Variants in KDM3B observed in about 807,000 individuals in gnomAD.
The protein encoded by KDM3B is lysine-specific demethylase 3B.
KDM3B carries 10 observed loss-of-function variants against 170.0 expected under a neutral mutation model. That is an observed-to-expected ratio of 0.06 (90% confidence interval 0.04 to 0.10). The LOEUF (loss-of-function observed/expected upper bound fraction) is 0.10, where lower values mean the gene tolerates loss of function less well. Ranked by LOEUF, KDM3B falls within the 10% of genes least tolerant of loss-of-function variation. KDM3B has a pLI of 1.00. For synonymous variants in KDM3B, 831 were observed against 834.8 expected (o/e 1.00, Z 0.08); for missense variants, 1,394 against 2,195.2 (o/e 0.64, Z 7.29).
Position 138,391,894 on chromosome 5 carries a change from T to G in KDM3B, c.2262T>G (p.Pro754=), listed in dbSNP as rs1418569327. The G allele has an allele frequency of 6.2e-7, 1 of 1,613,294 alleles. No homozygotes were observed. ...CAGAGGAGAGGCCAACTGTGGGGCC[T>G]GGGCAGCAGGACAATCCCCTCCTCA... ...SPTEERPTVG[P]GQQDNPLLKT... Residue 754 remains proline, a synonymous_variant, in exon 8 of 24, where the codon CCT becomes CCG. Coordinates refer to ENST00000314358, the MANE Select transcript of KDM3B (RefSeq NM_016604.4). This position sits in a 1 kb window ranked among gnomAD's most constrained non-coding sequence, Gnocchi z 5.0.
At position 138,400,392 on chromosome 5, in the gene KDM3B, G is replaced by GT. The variant is rs549144764; in HGVS notation, c.3199+389dup. On this transcript the variant is annotated intron_variant, in intron 11 of 23. Coordinates refer to ENST00000314358, the MANE Select transcript of KDM3B (RefSeq NM_016604.4). ...CATAGGCATGAGCCACCGTACCTGT[G>GT]TTTTTTTTTAAATAACATCTTTATT... is the stretch of plus-strand genomic sequence containing the variant. 8.8e-3 allele frequency among the ~76,000 whole-genome samples: 1,327 copies of GT among 150,810 alleles called. 18 individuals are homozygous for GT. Among genetic ancestry groups the GT allele is most frequent in the African/African-American group, 0.029 (1,201 of 41,102 alleles).
At chr5:138,410,983 T>G (rs1762952977) in intron 11 of KDM3B, among the ~76,000 whole-genome samples, 1 of 152,184 alleles carries the variant, frequency 6.6e-6, no homozygotes, top group Non-Finnish European at 1.5e-5. Context: ...GGGAGACGGT[T>G]AGGCCTCCGG....
intron 23 of KDM3B, among the ~76,000 whole-genome samples, chr5:138,434,559 A>T (rs562706857): frequency 1.3e-5 from 2 of 152,196 alleles, no homozygotes; most frequent in Non-Finnish European, 2.9e-5. Context: ...AAAAAAAAAA[A>T]AAAAGACCTT....
intron 1 of KDM3B, among the ~76,000 whole-genome samples, chr5:138,356,947 T>G (rs555950944): frequency 1.8e-4 from 28 of 151,636 alleles, no homozygotes; most frequent in African/African-American, 4.8e-4. Flanking sequence ...CCTGGCCTCT[T>G]GACTTTTTTT....
intron 19 of KDM3B, 45 bp downstream of exon 19, chr5:138,427,364 C>A: frequency 6.3e-7 from 1 of 1,578,738 alleles, no homozygotes. Context: ...GACTGTTGTT[C>A]TTATTTCAAC....
intron 6 of KDM3B, among the ~76,000 whole-genome samples, chr5:138,383,117 T>C (rs977790748): frequency 2.7e-4 from 41 of 152,072 alleles, no homozygotes; most frequent in African/African-American, 9.4e-4. Context: ...GGATGACTTA[T>C]AGGTGGGATG....
At chr5:138,418,885 C>G (rs940846362) in intron 13 of KDM3B, 68 bp from the exon 14 acceptor site, 2 of 1,433,110 alleles carry the variant, frequency 1.4e-6, no homozygotes, top group Non-Finnish European at 1.9e-6. Context: ...GTATGTGAAG[C>G]CATTACTAGT....
Position 138,391,234 on chromosome 5 carries a change from AC to A in KDM3B, c.1604del (p.Pro535LeufsTer30). ...TTTTTCAATGCATGTCCCAAACTTT[AC>A]CTACCAGTAACTACTTCACTACTGT... Reference protein sequence around the residue: ...LFFQCMSQTLPTSNYFTTVSE... With the variant: ...LFFQCMSQTLXTSNYFTTVSE... On this transcript the variant is annotated frameshift_variant, in exon 8 of 24. Coordinates refer to ENST00000314358, the MANE Select transcript of KDM3B (RefSeq NM_016604.4). LOFTEE classifies it high-confidence loss of function. The surrounding 1 kb of genome is among the most constrained non-coding windows in gnomAD (Gnocchi z 5.0). 6.2e-7 allele frequency: 1 copy of A among 1,614,074 alleles called. No homozygotes were observed. The highest frequency in any genetic ancestry group is 2.2e-5 in the East Asian group (1 of 44,880).
At chr5:138,395,828 G>A (rs1762532516) in intron 9 of KDM3B, among the ~76,000 whole-genome samples, 5 of 151,978 alleles carry the variant, frequency 3.3e-5, no homozygotes, top group Admixed American at 3.3e-4. Context: ...ACATTGGCCA[G>A]GCTGGTCTTG....
rs373506894 is a variant in KDM3B, at chr5:138,391,510, C to A, written c.1878C>A (p.Pro626=). The change falls in exon 8 of 24, where the codon CCC becomes CCA. Residue 626 remains proline (P), a synonymous_variant. Transcript: ENST00000314358. The surrounding 1 kb of genome is among the most constrained non-coding windows in gnomAD (Gnocchi z 5.0). ...ATGAAAATCTATTTTTACAGCCCCC[C>A]AAATTGTCCCGAGAAGAGCCTTCTA... is the stretch of plus-strand genomic sequence containing the variant. ...ENHENLFLQP[P]KLSREEPSNP... 19 of 1,613,982 alleles carry A rather than the reference C, an allele frequency of 1.2e-5. No individual in the cohort carries two copies. Among genetic ancestry groups the A allele is most frequent in the Non-Finnish European group, 1.5e-5 (18 of 1,180,050 alleles).
intron 7 of KDM3B, among the ~76,000 whole-genome samples, chr5:138,387,541 A>T (rs961281876): frequency 4.6e-5 from 7 of 152,230 alleles, no homozygotes; most frequent in African/African-American, 1.7e-4. Flanking sequence ...AGAAAAAACA[A>T]TGCCAGACAA....
At chr5:138,373,792 A>G (rs1405227092) in intron 2 of KDM3B, among the ~76,000 whole-genome samples, 13 of 152,018 alleles carry the variant, frequency 8.6e-5, no homozygotes, top group African/African-American at 2.4e-4. Context: ...GCTGTGTGTT[A>G]TAAAATTTAA....
chr5:138,376,475 C>A (rs144057796), intron 3 of KDM3B, among the ~76,000 whole-genome samples: 1 of 151,764 alleles, frequency 6.6e-6, no homozygotes, highest in Non-Finnish European at 1.5e-5. Context: ...GAGGCCGAGA[C>A]GGGCGGATCA....
At chr5:138,402,975 T>A (rs1369004590) in intron 11 of KDM3B, among the ~76,000 whole-genome samples, 1 of 152,212 alleles carries the variant, frequency 6.6e-6, no homozygotes, top group East Asian at 1.9e-4. Context: ...ATGAATGAGA[T>A]GAAGTTCCTC....
At chr5:138,360,544 G>A (rs1014751239) in intron 1 of KDM3B, among the ~76,000 whole-genome samples, 3 of 148,876 alleles carry the variant, frequency 2.0e-5, no homozygotes, top group African/African-American at 7.4e-5. Context: ...GTGTGTGTGT[G>A]TGTGTGTGAA....
At chr5:138,434,931 A>G (rs1405896836) in intron 23 of KDM3B, among the ~76,000 whole-genome samples, 3 of 152,166 alleles carry the variant, frequency 2.0e-5, no homozygotes, top group Non-Finnish European at 4.4e-5. Flanking sequence ...CAGCAACTAC[A>G]TGGTTGAAGC....
intron 6 of KDM3B, among the ~76,000 whole-genome samples, chr5:138,383,274 G>T (rs1159010584): frequency 6.6e-6 from 1 of 152,064 alleles, no homozygotes; most frequent in African/African-American, 2.4e-5. Context: ...GAGTAGCTGG[G>T]ACTACAGGCG....
chr5:138,405,997 A>G (rs1308193627), intron 11 of KDM3B, among the ~76,000 whole-genome samples: 1 of 152,224 alleles, frequency 6.6e-6, no homozygotes, highest in Non-Finnish European at 1.5e-5. Context: ...AAACAAAATC[A>G]AATCACAAAA....
In KDM3B at chr5:138,431,406, T is replaced by G; in HGVS notation, c.5071-19T>G. On this transcript the variant is annotated intron_variant, in intron 22 of 23. Coordinates refer to ENST00000314358, the MANE Select transcript of KDM3B (RefSeq NM_016604.4). The stretch of plus-strand genomic sequence containing the variant: ...TCTCTAATGTCTGATATTTCTCCTC[T>G]GCACTTTGCCCTTCTCAGGTTCACA... The G allele has an allele frequency of 6.3e-7, 1 of 1,575,886 alleles. No individual in the cohort carries two copies. The highest frequency in any genetic ancestry group is 8.6e-7 in the Non-Finnish European group (1 of 1,158,728).
Sources: gnomAD v4.1 joint callset for allele counts (sites outside exome capture counted in the v4.1 genomes callset) on GRCh38, gnomAD v4.1.1 for gene constraint, Gnocchi (gnomAD v3.1) non-coding constraint, MANE v1.5 for transcripts, NCBI Gene and HGNC (gene_info 2026-07-23, HGNC 2026-07-21) for gene names.